Variants in ESRRA observed in about 807,000 individuals in gnomAD.
ESRRA encodes steroid hormone receptor ERR1.
In ESRRA, 7 loss-of-function variants were observed where a neutral mutation model predicts 35.6. The ratio of observed to expected loss-of-function variants is 0.20; its 90% CI spans 0.11 to 0.37. The LOEUF is 0.37. Among genes scored for constraint, ESRRA ranks in the 10% least tolerant of loss-of-function variants. ESRRA has a pLI of 1.00. For missense variants in ESRRA, 378 were observed against 561.7 expected (o/e 0.67, Z 3.31); for synonymous variants, 223 against 246.9 (o/e 0.90, Z 0.91).
rs544336819 is a variant in ESRRA at position 64,311,982 on chromosome 11, C to CTTTTTTTTTTTTTTTTT, written c.326-1956_326-1955insTTTTTTTTTTTTTTTTT. ...ATAGGCGTGAGCCACTGCGCCTGGC[C>CTTTTTTTTTTTTTTTTT]TTTTTTTTTTTTTGGTACAGAGTTT... is the stretch of plus-strand genomic sequence containing the variant. On this transcript the variant is annotated intron_variant, in intron 2 of 6. Coordinates refer to ENST00000000442, the MANE Select transcript of ESRRA (RefSeq NM_004451.5). Among the ~76,000 whole-genome samples the CTTTTTTTTTTTTTTTTT allele has an allele frequency of 2.0e-4, 14 of 68,400 alleles. 5 individuals carry two copies. The East Asian group carries it at 2.9e-3, about 14-fold the overall frequency. 44.9% of individuals were successfully genotyped at this position (68,400 alleles called of 152,430 possible). A position where few individuals can be genotyped will look rare whatever the true frequency, so the allele number is the denominator to read the frequency against.
chr11:64,313,958 C>G lies in ESRRA; in HGVS notation c.333C>G (p.Ile111Met). The change falls in exon 3 of 7, where the codon ATC becomes ATG. Residue 111 changes from isoleucine (I) to methionine (M), a missense_variant. Coordinates refer to ENST00000000442, the MANE Select transcript of ESRRA (RefSeq NM_004451.5). The surrounding 1 kb of genome is among the most constrained non-coding windows in gnomAD (Gnocchi z 4.0). ...CCTGCCTCTTCCTGGCAGGGAGCAT[C>G]GAGTACAGCTGTCCGGCCTCCAACG... ...AFFKRTIQGSIEYSCPASNEC... is the reference protein window; with the variant it reads ...AFFKRTIQGSMEYSCPASNEC... 3 of 1,573,698 alleles carry G rather than the reference C, an allele frequency of 1.9e-6. No individual in the cohort carries two copies. The highest frequency in any genetic ancestry group is 2.6e-6 in the Non-Finnish European group (3 of 1,159,186).
intron 2 of ESRRA, among the ~76,000 whole-genome samples, chr11:64,309,216 C>T (rs1021220684): frequency 2.0e-5 from 3 of 151,756 alleles, no homozygotes; most frequent in South Asian, 2.1e-4. Flanking sequence ...AGACGGATCA[C>T]GAGGTCAGGA....
rs531612118 is a variant in ESRRA, at chr11:64,313,845, T to C, written c.326-106T>C. Reference sequence around the variant, plus strand: ...CCCCCTGCTCTCCCTTTCCTCCCCATACCCCCAGACCTGTGCTTGCCCGGG... The same window carrying C: ...CCCCCTGCTCTCCCTTTCCTCCCCACACCCCCAGACCTGTGCTTGCCCGGG... On this transcript the variant is annotated intron_variant, in intron 2 of 6. Transcript: ENST00000000442. The surrounding 1 kb of genome is among the most constrained non-coding windows in gnomAD (Gnocchi z 4.0). The C allele has an allele frequency of 2.8e-5, 20 of 708,522 alleles. 1 individual carries two copies. The South Asian group carries it at 3.5e-4, about 12-fold the overall frequency. 43.9% of individuals were successfully genotyped at this position (708,522 alleles called of 1,614,324 possible). A position where few individuals can be genotyped will look rare whatever the true frequency, so the allele number is the denominator to read the frequency against.
intron 2 of ESRRA, among the ~76,000 whole-genome samples, chr11:64,309,112 A>AAAAAAC (rs558286245): frequency 8.8e-4 from 132 of 150,788 alleles, no homozygotes; most frequent in Non-Finnish European, 1.7e-3. Flanking sequence ...ACTCCACCTC[A>AAAAAAC]AAAAACAAAA....
At position 64,314,429 on chromosome 11, in the gene ESRRA, ACCTTGGGCACTGGGACCTGTATTTC is replaced by A. The variant is rs1391571894; in HGVS notation, c.571+65_571+89del. 4.1e-6 allele frequency: 6 copies of A among 1,462,876 alleles called. No homozygotes were observed. The African/African-American group carries it at 8.6e-5, about 21-fold the overall frequency. The allele number at this position is 1,462,876 out of a possible 1,614,324, so 90.6% of individuals were successfully genotyped here. A position where few individuals can be genotyped will look rare whatever the true frequency, so the allele number is the denominator to read the frequency against. On this transcript the variant is annotated intron_variant, in intron 4 of 6. Transcript: ENST00000000442. ...GAGGCCTATGTGTGGCATCATAGTT[ACCTTGGGCACTGGGACCTGTATTTC>A]CCCTTCGTCTCTTCACTCACTCATT...
At position 64,309,341 on chromosome 11, in the gene ESRRA, A is replaced by G. The variant is rs373045048; in HGVS notation, c.325+1837A>G. ...CCACTACTTGGGAGGCTGAGGCAGG[A>G]GAATTGCTTGAACCCGGGAGGCAGA... On this transcript the variant is annotated intron_variant, in intron 2 of 6. Coordinates refer to ENST00000000442, the MANE Select transcript of ESRRA (RefSeq NM_004451.5). Among the ~76,000 whole-genome samples the G allele has an allele frequency of 2.8e-4, 42 of 151,254 alleles. 1 individual carries two copies. The South Asian group carries it at 8.6e-3, about 31-fold the overall frequency.
intron 2 of ESRRA, among the ~76,000 whole-genome samples, chr11:64,312,009 G>A (rs1306874351): frequency 3.3e-5 from 4 of 121,736 alleles, no homozygotes; most frequent in Non-Finnish European, 5.1e-5. Flanking sequence ...ACAGAGTTTC[G>A]CTCTGGTTGC....
At position 64,313,794 on chromosome 11, in the gene ESRRA, C is replaced by T. The variant is rs1267328872; in HGVS notation, c.326-157C>T. The T allele has an allele frequency of 7.0e-6, 4 of 573,034 alleles. No individual in the cohort carries two copies. The highest frequency in any genetic ancestry group is 1.2e-5 in the Non-Finnish European group (4 of 320,942). The allele number at this position is 573,034 out of a possible 1,614,324, so 35.5% of individuals were successfully genotyped here. On this transcript the variant is annotated intron_variant, in intron 2 of 6. Transcript: ENST00000000442. This position sits in a 1 kb window ranked among gnomAD's most constrained non-coding sequence, Gnocchi z 4.0. ...CAGGCAGGGCTCCCCCGCCCAGCAG[C>T]CACTCCCCTCCCTGCCTGCTCATGG...
chr11:64,315,834 G>A lies in ESRRA; in HGVS notation c.1140G>A (p.Arg380=), dbSNP rs759575444. Residue 380 remains arginine, a synonymous_variant, in exon 7 of 7, where the codon AGG becomes AGA. Coordinates refer to ENST00000000442, the MANE Select transcript of ESRRA (RefSeq NM_004451.5). ...GGGAERRRAG[R]LLLTLPLLRQ... ...GTGCTGAGCGGCGGCGGGCGGGCAGGCTGCTGCTCACGCTACCGCTCCTCC... is the reference window on the plus strand; with the variant it reads ...GTGCTGAGCGGCGGCGGGCGGGCAGACTGCTGCTCACGCTACCGCTCCTCC... 3 of 1,611,480 alleles carry A rather than the reference G, an allele frequency of 1.9e-6. No individual in the cohort carries two copies. The highest frequency in any genetic ancestry group is 1.7e-6 in the Non-Finnish European group (2 of 1,178,898).
chr11:64,315,408 AAAGC>A, intron 6 of ESRRA, 138 bp downstream of exon 6: 1 of 1,113,324 alleles, frequency 9.0e-7, no homozygotes, highest in Non-Finnish European at 1.2e-6. Flanking sequence ...TAGAAGTCAA[AAAGC>A]AAGCCAAGTG....
rs1362527581 is a variant in ESRRA, at chr11:64,316,447, G to C, written c.*481G>C. On this transcript the variant is annotated 3_prime_UTR_variant, in exon 7 of 7. Coordinates refer to ENST00000000442, the MANE Select transcript of ESRRA (RefSeq NM_004451.5). ...TTGGGCATTAGTGTCCCCCCTTGAA[G>C]CAATAACTCCAAGCAGACTCCAGCC... 4.9e-6 allele frequency: 1 copy of C among 203,380 alleles called. No homozygotes were observed. Among genetic ancestry groups the C allele is most frequent in the Non-Finnish European group, 1.0e-5 (1 of 97,666 alleles). 12.6% of individuals were successfully genotyped at this position (203,380 alleles called of 1,614,324 possible). A position where few individuals can be genotyped will look rare whatever the true frequency, so the allele number is the denominator to read the frequency against.
In ESRRA at chr11:64,314,814, C is replaced by T. The variant is rs375625144; in HGVS notation, c.645C>T (p.Pro215=). 4.7e-5 allele frequency: 75 copies of T among 1,612,296 alleles called. No homozygotes were observed. Among genetic ancestry groups the T allele is most frequent in the Middle Eastern group, 2.0e-4 (1 of 5,022 alleles). ...EPEKLYAMPD[P]AGPDGHLPAV... Reference sequence around the variant, plus strand: ...AGAAGCTCTATGCCATGCCTGACCCCGCAGGCCCTGATGGGCACCTCCCAG... The same window carrying T: ...AGAAGCTCTATGCCATGCCTGACCCTGCAGGCCCTGATGGGCACCTCCCAG... Residue 215 remains proline, a synonymous_variant, in exon 5 of 7, where the codon CCC becomes CCT. Transcript: ENST00000000442.
Position 64,314,331 on chromosome 11 carries a change from G to A in ESRRA, c.535G>A (p.Gly179Arg), listed in dbSNP as rs2035198219. ...GCCCTTCCCGGGCCCCTTCCCTGCT[G>A]GGCCCCTGGCAGTCGCTGGAGGCCC... is the stretch of plus-strand genomic sequence containing the variant. The part of the protein sequence containing the change: ...PLPFPGPFPA[G>R]PLAVAGGPRK... Residue 179 changes from glycine to arginine, a missense_variant, in exon 4 of 7, where the codon GGG becomes AGG. Gly to Arg is a moderately radical substitution (Grantham distance 125). Transcript: ENST00000000442. The A allele has an allele frequency of 6.2e-7, 1 of 1,602,638 alleles. No individual in the cohort carries two copies. The highest frequency in any genetic ancestry group is 1.3e-5 in the African/African-American group (1 of 74,798).
chr11:64,311,234 G>A (rs731703), intron 2 of ESRRA, among the ~76,000 whole-genome samples: 33,385 of 152,156 alleles, frequency 0.22, 4,678 homozygotes, highest in Non-Finnish European at 0.32. Flanking sequence ...TGCTGTCCTG[G>A]CCAGTGTTCC....
In ESRRA at chr11:64,305,695, C is replaced by G. The variant is rs2035016969; in HGVS notation, c.-54C>G. The G allele has an allele frequency of 6.7e-6, 1 of 149,156 alleles. No individual in the cohort carries two copies. The highest frequency in any genetic ancestry group is 6.7e-5 in the Admixed American group (1 of 14,994). The allele number at this position is 149,156 out of a possible 1,614,324, so 9.2% of individuals were successfully genotyped here. On this transcript the variant is annotated 5_prime_UTR_variant, in exon 1 of 7. Transcript: ENST00000000442. This position sits in a 1 kb window ranked among gnomAD's most constrained non-coding sequence, Gnocchi z 5.8. ...CGGCTCACTCCGGCACTCCGGGCCG[C>G]TCGGCCCCCATGCCTGCCCGACCGC...
rs2035052564 is a variant in ESRRA at position 64,307,243 on chromosome 11, A to G, written c.64A>G (p.Ser22Gly). The change falls in exon 2 of 7, where the codon AGT becomes GGT. Residue 22 changes from serine to glycine, a missense_variant. Transcript: ENST00000000442. ...YIKAEPASPD[S>G]PKGSSETETE... is the part of the protein sequence containing the mutation. The stretch of plus-strand genomic sequence containing the variant: ...CAAGGCAGAGCCGGCCAGCCCTGAC[A>G]GTCCAAAGGGTTCCTCGGAGACAGA... 1 of 1,612,496 alleles carries G rather than the reference A, an allele frequency of 6.2e-7. No homozygotes were observed. The highest frequency in any genetic ancestry group is 8.5e-7 in the Non-Finnish European group (1 of 1,179,212).
Position 64,314,334 on chromosome 11 carries a change from C to A in ESRRA, c.538C>A (p.Pro180Thr). The stretch of plus-strand genomic sequence containing the variant: ...CTTCCCGGGCCCCTTCCCTGCTGGG[C>A]CCCTGGCAGTCGCTGGAGGCCCCCG... Reference protein sequence around the residue: ...LPFPGPFPAGPLAVAGGPRKT... With the variant: ...LPFPGPFPAGTLAVAGGPRKT... Residue 180 changes from proline (P) to threonine (T), a missense_variant, in exon 4 of 7, where the codon CCC (proline) becomes ACC (threonine). Coordinates refer to ENST00000000442, the MANE Select transcript of ESRRA (RefSeq NM_004451.5). 6.2e-7 allele frequency: 1 copy of A among 1,600,570 alleles called. No homozygotes were observed. The highest frequency in any genetic ancestry group is 8.5e-7 in the Non-Finnish European group (1 of 1,173,868).
intron 4 of ESRRA, 112 bp downstream of exon 4, chr11:64,314,479 T>C (rs2035201592): frequency 7.7e-7 from 1 of 1,299,228 alleles, no homozygotes; most frequent in Admixed American, 2.9e-5. Flanking sequence ...ACTCACTCAT[T>C]TCCCCAAGAC....
intron 2 of ESRRA, among the ~76,000 whole-genome samples, chr11:64,311,844 C>A (rs2035146341): frequency 6.6e-6 from 1 of 150,554 alleles, no homozygotes; most frequent in Non-Finnish European, 1.5e-5. Context: ...AGGCACACGC[C>A]CAGCTAATTT....
Sources: gnomAD v4.1 joint callset for allele counts (sites outside exome capture counted in the v4.1 genomes callset) on GRCh38, gnomAD v4.1.1 for gene constraint, Gnocchi (gnomAD v3.1) non-coding constraint, MANE v1.5 for transcripts, NCBI Gene and HGNC (gene_info 2026-07-23, HGNC 2026-07-21) for gene names.